ZNF584: variants seen among roughly 807,000 people sequenced by gnomAD.
ZNF584 encodes zinc finger protein 584.
Under a neutral mutation model 14.7 loss-of-function variants are expected in ZNF584, and 12 were observed. The ratio of observed to expected loss-of-function variants is 0.82; its 90% CI spans 0.52 to 1.32. The LOEUF (loss-of-function observed/expected upper bound fraction) is 1.32, where lower values mean the gene tolerates loss of function less well. Ranked by LOEUF, ZNF584 falls within the 40% of genes most tolerant of loss-of-function variation. The pLI, the probability that ZNF584 is intolerant of heterozygous loss-of-function variation, is 0.00. For synonymous variants in ZNF584, 204 were observed against 190.9 expected (o/e 1.07, Z -0.57); for missense variants, 478 against 518.8 (o/e 0.92, Z 0.76).
In ZNF584 at chr19:58,409,922, G is replaced by T; in HGVS notation, c.19-19G>T. On this transcript the variant is annotated intron_variant, in intron 1 of 3. Transcript: ENST00000306910. ...GTCCATATTTTGGTTGTTTTTTTCTGCCCATCATTGACCCCAAGGCTCAGT... is the reference window on the plus strand; with the variant it reads ...GTCCATATTTTGGTTGTTTTTTTCTTCCCATCATTGACCCCAAGGCTCAGT... The T allele has an allele frequency of 6.2e-7, 1 of 1,613,854 alleles. No individual in the cohort carries two copies. Among genetic ancestry groups the T allele is most frequent in the Non-Finnish European group, 8.5e-7 (1 of 1,179,922 alleles).
chr19:58,407,581 C>T (rs2122197445), upstream of ZNF584, among the ~76,000 whole-genome samples: 1 of 152,290 alleles, frequency 6.6e-6, no homozygotes, highest in Middle Eastern at 3.4e-3. Context: ...CAGCGACTTC[C>T]AAGGGGAACA....
intron 2 of ZNF584, among the ~76,000 whole-genome samples, chr19:58,410,373 C>G (rs781461262): frequency 4.6e-5 from 7 of 151,114 alleles, no homozygotes; most frequent in Non-Finnish European, 1.0e-4. Flanking sequence ...CAAATCCCAC[C>G]AAGCTCTGCC....
At chr19:58,408,431 C>G (rs752467752), upstream of ZNF584, 1 of 152,354 alleles carries the variant, frequency 6.6e-6, no homozygotes, top group Admixed American at 6.5e-5. Flanking sequence ...AGCGGAGACT[C>G]CTCCACACCG....
At chr19:58,405,702 C>A, upstream of ZNF584, 1 of 175,480 alleles carries the variant, frequency 5.7e-6, no homozygotes, top group South Asian at 9.6e-5. Flanking sequence ...CCTCACATCC[C>A]GGACGGGGCG....
intron 3 of ZNF584, chr19:58,415,971 T>C (rs1042159816): frequency 6.3e-7 from 1 of 1,591,688 alleles, no homozygotes. Flanking sequence ...CCTTAATTAA[T>C]ACTTAAACAC....
chr19:58,410,163 A>T (rs141343919), intron 2 of ZNF584, 72 bp downstream of exon 2: 1 of 1,508,170 alleles, frequency 6.6e-7, no homozygotes, highest in East Asian at 2.4e-5. Context: ...TCTGTCCATA[A>T]CGAAGCCAGA....
chr19:58,415,526 C>T lies in ZNF584; in HGVS notation c.172C>T (p.Leu58Phe). 1 of 1,612,392 alleles carries T rather than the reference C, an allele frequency of 6.2e-7. No homozygotes were observed. The highest frequency in any genetic ancestry group is 8.5e-7 in the Non-Finnish European group (1 of 1,178,700). ...ENFALVSSLG[L>F]APSRSPVFTQ... ...CTTTTACTACCTGTCACCCGCAGGA[C>T]TTGCACCTTCGAGATCCCCTGTGTT... Residue 58 changes from leucine to phenylalanine, a missense_variant and splice_region_variant, in exon 3 of 4, where the codon CTT (leucine) becomes TTT (phenylalanine). Physicochemically the swap from Leu to Phe is conservative, Grantham distance 22. Transcript: ENST00000306910.
At chr19:58,410,547 A>ATG (rs2052539113) in intron 2 of ZNF584, among the ~76,000 whole-genome samples, 3 of 30,620 alleles carry the variant, frequency 9.8e-5, no homozygotes, top group African/African-American at 5.1e-4. Context: ...ATATATATAT[A>ATG]TATATATATA....
intron 2 of ZNF584, 109 bp downstream of exon 2, chr19:58,410,200 TC>T (rs1313174037): frequency 6.5e-6 from 9 of 1,384,762 alleles, no homozygotes; most frequent in Non-Finnish European, 9.6e-7. Flanking sequence ...CTTCCCAGAT[TC>T]CCTGTTGTAG....
rs1568584343 is a variant in ZNF584 at position 58,410,542 on chromosome 19, T to TTTTTTTTTTTTTTTTTTTTTTTTGAG, written c.169+451_169+452insTTTTTTTTTTTTTTTTTTTTTTTGAG. 4.2e-3 allele frequency among the ~76,000 whole-genome samples: 65 copies of TTTTTTTTTTTTTTTTTTTTTTTTGAG among 15,370 alleles called. 6 individuals carry two copies. The highest frequency in any genetic ancestry group is 0.025 in the Middle Eastern group (1 of 40). The allele number at this position is 15,370 out of a possible 152,430, so 10.1% of individuals were successfully genotyped here. A position where few individuals can be genotyped will look rare whatever the true frequency, so the allele number is the denominator to read the frequency against. ...AAATATATATATATATATATATATA[T>TTTTTTTTTTTTTTTTTTTTTTTTGAG]ATATATATATATATATGTGTATATA... On this transcript the variant is annotated intron_variant, in intron 2 of 3. Coordinates refer to ENST00000306910, the MANE Select transcript of ZNF584 (RefSeq NM_173548.3).
Position 58,417,513 on chromosome 19 carries a change from G to T in ZNF584, c.995G>T (p.Gly332Val). The stretch of plus-strand genomic sequence containing the variant: ...AGGCCTTTTGAATGCAAGCAATGTG[G>T]GAAAGGCTACGTGACCCGTTCAGGC... Reference protein sequence around the residue: ...GERPFECKQCGKGYVTRSGLY... With the variant: ...GERPFECKQCVKGYVTRSGLY... The change falls in exon 4 of 4, where the codon GGG (glycine) becomes GTG (valine). Residue 332 changes from glycine to valine, a missense_variant. By Grantham distance (109) the Gly-to-Val change is moderately radical. Around this residue, in one of 3 missense-constraint regions of ZNF584, gnomAD observed 283 missense variants for 317.3 expected, o/e 0.89. Transcript: ENST00000306910. The T allele has an allele frequency of 1.2e-6, 2 of 1,614,198 alleles. No individual in the cohort carries two copies. The highest frequency in any genetic ancestry group is 8.5e-7 in the Non-Finnish European group (1 of 1,180,046).
intron 2 of ZNF584, among the ~76,000 whole-genome samples, chr19:58,410,761 ATG>A (rs1325279665): frequency 2.7e-5 from 1 of 36,580 alleles, no homozygotes; most frequent in Non-Finnish European, 4.8e-5. Context: ...ATATATATAT[ATG>A]TATATATATA....
chr19:58,415,141 C>G (rs1416598541), intron 2 of ZNF584, among the ~76,000 whole-genome samples: 1 of 151,814 alleles, frequency 6.6e-6, no homozygotes, highest in Non-Finnish European at 1.5e-5. Context: ...GATCCGCCCA[C>G]CTTGGCCTCC....
chr19:58,407,129 C>G (rs1270243513), upstream of ZNF584: 1 of 152,282 alleles, frequency 6.6e-6, no homozygotes, highest in Non-Finnish European at 1.5e-5. Flanking sequence ...GGGGCATTCA[C>G]CAGGGGTAGA....
At chr19:58,409,352 G>A (rs1179687651) in intron 1 of ZNF584, 187 bp downstream of exon 1, 1 of 728,374 alleles carries the variant, frequency 1.4e-6, no homozygotes, top group Non-Finnish European at 2.0e-6. Context: ...GGACAGGATG[G>A]GGTCGTAGTT....
chr19:58,414,434 G>C (rs1266180850), intron 2 of ZNF584, among the ~76,000 whole-genome samples: 2 of 151,426 alleles, frequency 1.3e-5, no homozygotes, highest in African/African-American at 2.4e-5. Context: ...TGCCTCCTGG[G>C]TTCACGCCAT....
Position 58,417,490 on chromosome 19 carries a change from G to A in ZNF584, c.972G>A (p.Arg324=). The A allele has an allele frequency of 1.2e-6, 2 of 1,614,194 alleles. No individual in the cohort carries two copies. The highest frequency in any genetic ancestry group is 8.5e-7 in the Non-Finnish European group (1 of 1,180,040). The part of the protein sequence containing the change: ...ILHQRVHTGE[R]PFECKQCGKG... ...ACCAGAGAGTTCACACTGGAGAAAG[G>A]CCTTTTGAATGCAAGCAATGTGGGA... Residue 324 remains arginine, a synonymous_variant, in exon 4 of 4, where the codon AGG becomes AGA. Coordinates refer to ENST00000306910, the MANE Select transcript of ZNF584 (RefSeq NM_173548.3).
Position 58,417,657 on chromosome 19 carries a change from G to T in ZNF584, c.1139G>T (p.Arg380Met). 6.2e-7 allele frequency: 1 copy of T among 1,614,026 alleles called. No individual in the cohort carries two copies. Among genetic ancestry groups the T allele is most frequent in the Non-Finnish European group, 8.5e-7 (1 of 1,179,918 alleles). Reference protein sequence around the residue: ...NRHQQFHTEERSYECTECGKA... With the variant: ...NRHQQFHTEEMSYECTECGKA... ...CACCAGCAGTTCCACACTGAAGAGA[G>T]GTCTTATGAATGTACAGAGTGTGGG... Residue 380 changes from arginine (R) to methionine (M), a missense_variant, in exon 4 of 4, where the codon AGG becomes ATG. This residue lies in a region of ZNF584 where 283 missense variants were observed against 317.3 expected (regional missense o/e 0.89). Coordinates refer to ENST00000306910, the MANE Select transcript of ZNF584 (RefSeq NM_173548.3).
chr19:58,411,473 C>T (rs1231155002), intron 2 of ZNF584, among the ~76,000 whole-genome samples: 1 of 148,602 alleles, frequency 6.7e-6, no homozygotes, highest in Non-Finnish European at 1.5e-5. Flanking sequence ...TTGCAGTGAG[C>T]TGAGATCGCA....
Sources: allele counts gnomAD v4.1 joint callset (sites outside exome capture counted in the v4.1 genomes callset), GRCh38; gene constraint gnomAD v4.1.1; regional missense constraint gnomAD v4.1.1; transcripts MANE v1.5; gene names NCBI Gene and HGNC (gene_info 2026-07-23, HGNC 2026-07-21).